Variants in CCDC82 observed in about 807,000 individuals in gnomAD.
CCDC82 encodes the protein coiled-coil domain containing 82, also known as coiled-coil domain-containing protein 82.
In CCDC82, 47 loss-of-function variants were observed where a neutral mutation model predicts 60.6. The observed-to-expected ratio is 0.77, with a 90% CI of 0.61 to 0.99. The LOEUF (loss-of-function observed/expected upper bound fraction) is 0.99. Ranked by LOEUF, CCDC82 falls within the 50% of genes least tolerant of loss-of-function variation. The probability of loss-of-function intolerance (pLI) is 0.00; values close to 1 mark genes in which losing one functional copy is unlikely to be tolerated. For synonymous variants in CCDC82, 212 were observed against 207.4 expected, an observed-to-expected ratio of 1.02 and a Z score of -0.19; for missense variants, 588 against 633.0, an observed-to-expected ratio of 0.93 and a Z score of 0.76.
At position 96,383,326 on chromosome 11, in the gene CCDC82, G is replaced by T; in HGVS notation, c.934C>A (p.Gln312Lys). ...DEEGDEENKN[Q>K]QGEKLTTSQL... ...GATGTAGTCAATTTTTCTCCTTGTT[G>T]GTTTTTATTCTCTTCATCACCCTCC... Residue 312 changes from glutamine to lysine, a missense_variant, in exon 5 of 10, where the codon CAA becomes AAA. By Grantham distance (53) the Gln-to-Lys change is moderately conservative. Coordinates refer to ENST00000646818, the MANE Select transcript of CCDC82 (RefSeq NM_024725.4). 6.2e-7 allele frequency: 1 copy of T among 1,607,518 alleles called. No individual in the cohort carries two copies.
At chr11:96,360,490 C>A (rs956529853) in intron 8 of CCDC82, among the ~76,000 whole-genome samples, 2 of 151,998 alleles carry the variant, frequency 1.3e-5, no homozygotes, top group Non-Finnish European at 2.9e-5. Flanking sequence ...CCACCACGCC[C>A]AGCCAATATA....
At chr11:96,374,044 C>T (rs1030285122) in intron 5 of CCDC82, among the ~76,000 whole-genome samples, 1 of 152,218 alleles carries the variant, frequency 6.6e-6, no homozygotes, top group Non-Finnish European at 1.5e-5. Flanking sequence ...AAATCTCACA[C>T]ATGACATCAT....
chr11:96,360,198 ATT>A (rs869243950), intron 8 of CCDC82, among the ~76,000 whole-genome samples: 1,377 of 121,700 alleles, frequency 0.011, 17 homozygotes, highest in Admixed American at 0.04. Context: ...ATATATATAT[ATT>A]TTTTTTGTTT....
Position 96,359,090 on chromosome 11 carries a change from CA to C in CCDC82, c.1468del (p.Cys490AlafsTer5). 6.2e-7 allele frequency: 1 copy of C among 1,606,432 alleles called. No homozygotes were observed. The highest frequency in any genetic ancestry group is 8.5e-7 in the Non-Finnish European group (1 of 1,178,138). On this transcript the variant is annotated frameshift_variant, in exon 9 of 10. Coordinates refer to ENST00000646818, the MANE Select transcript of CCDC82 (RefSeq NM_024725.4). LOFTEE classifies it high-confidence loss of function. ...HFKFKLYQECCTIAMTEEVED... is the reference protein window; with the variant it reads ...HFKFKLYQECXTIAMTEEVED... ...AACTTCTTCTGTCATTGCAATGGTG[CA>C]ACATTCCTGGTATAGTTTGAATTTA...
chr11:96,380,826 G>C (rs1209224550), intron 5 of CCDC82: 2 of 151,706 alleles, frequency 1.3e-5, no homozygotes, highest in Non-Finnish European at 3.0e-5. Context: ...TCAGAGGAGG[G>C]AGGAAAGGAG....
In CCDC82 at chr11:96,360,121, T is replaced by A. The variant is rs905422462; in HGVS notation, c.1381-943A>T. On this transcript the variant is annotated intron_variant, in intron 8 of 9. Coordinates refer to ENST00000646818, the MANE Select transcript of CCDC82 (RefSeq NM_024725.4). The stretch of plus-strand genomic sequence containing the variant: ...GACCAAATTATTTATATATATTTAA[T>A]ATATATTAATATATATTAAATATAG... Among the ~76,000 whole-genome samples the A allele has an allele frequency of 5.4e-5, 8 of 147,270 alleles. No individual in the cohort carries two copies. The East Asian group carries it at 9.7e-4, about 18-fold the overall frequency.
At chr11:96,372,833 T>C (rs1865359032) in intron 6 of CCDC82, among the ~76,000 whole-genome samples, 1 of 150,650 alleles carries the variant, frequency 6.6e-6, no homozygotes, top group African/African-American at 2.4e-5. Context: ...ACATGAAAAG[T>C]GCATATAAAT....
chr11:96,368,801 G>C (rs1865090876), intron 7 of CCDC82, among the ~76,000 whole-genome samples: 7 of 151,522 alleles, frequency 4.6e-5, no homozygotes, highest in Admixed American at 4.6e-4. Flanking sequence ...AGAAGGCGGA[G>C]CTTGCAGTGA....
At chr11:96,357,589 G>T in intron 9 of CCDC82, 1 of 984,244 alleles carries the variant, frequency 1.0e-6, no homozygotes, top group Non-Finnish European at 1.2e-6. Context: ...TCTTCAAGAA[G>T]TTTAAAGTTC....
At chr11:96,377,257 T>C (rs139733465) in intron 5 of CCDC82, among the ~76,000 whole-genome samples, 12 of 152,316 alleles carry the variant, frequency 7.9e-5, no homozygotes, top group Admixed American at 4.6e-4. Context: ...TGAAAAGATA[T>C]GCTACGTCTA....
intron 8 of CCDC82, chr11:96,364,593 T>A (rs1864848225): frequency 6.5e-6 from 1 of 153,756 alleles, no homozygotes; most frequent in African/African-American, 2.4e-5. Flanking sequence ...TGCAGCAATC[T>A]TATAAAGTAA....
intron 9 of CCDC82, chr11:96,357,180 T>C (rs1244158783): frequency 2.0e-6 from 2 of 985,290 alleles, no homozygotes; most frequent in Admixed American, 6.1e-5. Context: ...AATTTTGAAA[T>C]TTCATTACAG....
intron 5 of CCDC82, among the ~76,000 whole-genome samples, chr11:96,374,089 A>G (rs1157625276): frequency 6.6e-6 from 1 of 152,194 alleles, no homozygotes; most frequent in Non-Finnish European, 1.5e-5. Flanking sequence ...TTAAGAGAGA[A>G]GATTCCTACT....
chr11:96,353,884 T>C lies in CCDC82; in HGVS notation c.1567-170A>G, dbSNP rs570716566. On this transcript the variant is annotated intron_variant, in intron 9 of 9. Transcript: ENST00000646818. ...TTCAAATAAGCATTCCTAACTCATATATAACTCATATATTTCCATATAGAA... is the reference window on the plus strand; with the variant it reads ...TTCAAATAAGCATTCCTAACTCATACATAACTCATATATTTCCATATAGAA... 28 of 484,810 alleles carry C rather than the reference T, an allele frequency of 5.8e-5. No individual in the cohort carries two copies. The South Asian group carries it at 7.3e-4, about 13-fold the overall frequency. 30.0% of individuals were successfully genotyped at this position (484,810 alleles called of 1,614,324 possible).
At chr11:96,364,474 T>C (rs892978483) in intron 8 of CCDC82, 3 of 152,048 alleles carry the variant, frequency 2.0e-5, no homozygotes, top group Admixed American at 2.0e-4. Flanking sequence ...AGAGACAACT[T>C]TGGGTCTCTA....
intron 6 of CCDC82, among the ~76,000 whole-genome samples, chr11:96,372,624 A>G (rs963758295): frequency 6.9e-6 from 1 of 145,454 alleles, no homozygotes; most frequent in Non-Finnish European, 1.5e-5. Context: ...AAATGGGGAT[A>G]TATATATATA....
intron 9 of CCDC82, chr11:96,358,230 T>C: frequency 9.7e-7 from 1 of 1,033,594 alleles, no homozygotes; most frequent in Middle Eastern, 4.6e-4. Flanking sequence ...AATCTACTAT[T>C]TGTTCTCTCT....
chr11:96,388,137 T>G (rs1866305863), intron 1 of CCDC82: 1 of 152,204 alleles, frequency 6.6e-6, no homozygotes, highest in South Asian at 2.1e-4. Context: ...TTGGCTCTTC[T>G]TTTTAAATTG....
intron 8 of CCDC82, 108 bp downstream of exon 8, chr11:96,364,872 T>C (rs1864861141): frequency 8.3e-6 from 8 of 968,366 alleles, no homozygotes; most frequent in East Asian, 2.8e-5. Context: ...GTGGATTATA[T>C]GCTAAAAATG....
Sources: allele counts gnomAD v4.1 joint callset (sites outside exome capture counted in the v4.1 genomes callset), GRCh38; gene constraint gnomAD v4.1.1; transcripts MANE v1.5; gene names NCBI Gene and HGNC (gene_info 2026-07-23, HGNC 2026-07-21).